Variants in MGAT5 observed in about 807,000 individuals in gnomAD.
MGAT5 encodes alpha-1,6-mannosylglycoprotein 6-beta-N-acetylglucosaminyltransferase A.
Under a neutral mutation model 94.3 loss-of-function variants are expected in MGAT5, and 30 were observed. The observed-to-expected ratio is 0.32, with a 90% confidence interval of 0.24 to 0.43. The LOEUF (loss-of-function observed/expected upper bound fraction) is 0.43, where lower values mean the gene tolerates loss of function less well. MGAT5 is among the 20% of genes least tolerant of loss of function. The pLI, the probability that MGAT5 is intolerant of heterozygous loss-of-function variation, is 1.00. For synonymous variants in MGAT5, 310 were observed against 322.9 expected, an observed-to-expected ratio of 0.96 and a Z score of 0.43; for missense variants, 691 against 905.5, an observed-to-expected ratio of 0.76 and a Z score of 3.04.
chr2:134,398,069 G>A (rs1369147340), intron 10 of MGAT5, among the ~76,000 whole-genome samples: 1 of 152,176 alleles, frequency 6.6e-6, no homozygotes, highest in Non-Finnish European at 1.5e-5. Flanking sequence ...GCCACAGGCT[G>A]AGTATCCCTT....
At chr2:134,369,677 A>T (rs1374236520) in intron 10 of MGAT5, among the ~76,000 whole-genome samples, 3 of 150,714 alleles carry the variant, frequency 2.0e-5, no homozygotes, top group Non-Finnish European at 4.4e-5. Context: ...AGGAGGAGAG[A>T]TGGATATGTT....
intron 1 of MGAT5, among the ~76,000 whole-genome samples, chr2:134,186,348 T>TA (rs1689026481): frequency 6.6e-6 from 1 of 151,428 alleles, no homozygotes; most frequent in South Asian, 2.1e-4. Flanking sequence ...CCAGAGGGGA[T>TA]AGTCAAGGAA....
In MGAT5 at chr2:134,453,776, A is replaced by C. The variant is rs1212042102; in HGVS notation, c.*4929A>C. On this transcript the variant is annotated 3_prime_UTR_variant, in exon 16 of 16. Transcript: ENST00000281923. ...TGGGGCAGGGATTTTGGCCTCTCAG[A>C]ACAGCTCCTAGAGGCTGCTCATGAC... 6.6e-6 allele frequency: 1 copy of C among 152,200 alleles called. No homozygotes were observed. Among genetic ancestry groups the C allele is most frequent in the Non-Finnish European group, 1.5e-5 (1 of 68,056 alleles). 9.4% of individuals were successfully genotyped at this position (152,200 alleles called of 1,614,324 possible). A position where few individuals can be genotyped will look rare whatever the true frequency, so the allele number is the denominator to read the frequency against.
chr2:134,265,019 C>T (rs1310628742), intron 1 of MGAT5, among the ~76,000 whole-genome samples: 2 of 152,198 alleles, frequency 1.3e-5, no homozygotes, highest in Admixed American at 6.5e-5. Context: ...GTGCCCTAAT[C>T]CTTGACGGAC....
chr2:134,232,572 G>A (rs1681424110), intron 1 of MGAT5, among the ~76,000 whole-genome samples: 1 of 152,138 alleles, frequency 6.6e-6, no homozygotes, highest in African/African-American at 2.4e-5. Flanking sequence ...TGTAAAAACA[G>A]TACAAAGAGA....
At chr2:134,399,061 C>T (rs1682881065) in intron 10 of MGAT5, among the ~76,000 whole-genome samples, 1 of 152,164 alleles carries the variant, frequency 6.6e-6, no homozygotes. Context: ...GAAGAAAGGA[C>T]TTGAAATGTT....
intron 1 of MGAT5, among the ~76,000 whole-genome samples, chr2:134,199,803 C>A (rs1319878036): frequency 6.6e-6 from 1 of 152,062 alleles, no homozygotes; most frequent in Non-Finnish European, 1.5e-5. Flanking sequence ...GAAATGCTCC[C>A]CCTGCATATG....
At chr2:134,300,144 T>C (rs755882481) in intron 2 of MGAT5, among the ~76,000 whole-genome samples, 4 of 152,184 alleles carry the variant, frequency 2.6e-5, no homozygotes, top group Admixed American at 2.6e-4. Flanking sequence ...CTCTGACCCT[T>C]GGGTTTATTA....
chr2:134,223,370 C>T (rs920850156), intron 1 of MGAT5, among the ~76,000 whole-genome samples: 5 of 152,140 alleles, frequency 3.3e-5, no homozygotes, highest in African/African-American at 4.8e-5. Flanking sequence ...GAAACAGATC[C>T]GGGGCCAGTG....
intron 1 of MGAT5, among the ~76,000 whole-genome samples, chr2:134,154,607 C>G (rs569922917): frequency 6.6e-6 from 1 of 152,264 alleles, no homozygotes; most frequent in East Asian, 1.9e-4. Flanking sequence ...TTATCTACCC[C>G]ACAACACTCT....
intron 4 of MGAT5, among the ~76,000 whole-genome samples, chr2:134,329,797 C>CAGCT (rs1687854959): frequency 1.3e-5 from 2 of 152,152 alleles, no homozygotes; most frequent in Admixed American, 1.3e-4. Context: ...TCCCCCTACA[C>CAGCT]AGCTCTTCAG....
chr2:134,365,561 G>C (rs1680375325), intron 10 of MGAT5, among the ~76,000 whole-genome samples: 1 of 152,216 alleles, frequency 6.6e-6, no homozygotes, highest in African/African-American at 2.4e-5. Flanking sequence ...TGTTGACAGG[G>C]AGAGGGTGCT....
intron 1 of MGAT5, among the ~76,000 whole-genome samples, chr2:134,120,900 G>A (rs1023686264): frequency 1.4e-4 from 22 of 151,942 alleles, no homozygotes; most frequent in African/African-American, 5.1e-4. Context: ...GGCTGTTAGG[G>A]GACGGCCCGC....
At chr2:134,255,357 C>CA (rs1682873312) in intron 1 of MGAT5, among the ~76,000 whole-genome samples, 1 of 150,906 alleles carries the variant, frequency 6.6e-6, no homozygotes, top group Non-Finnish European at 1.5e-5. Context: ...TGTAGACAAG[C>CA]AAAAAAAGAA....
chr2:134,425,859 T>C (rs1282355409), intron 13 of MGAT5, among the ~76,000 whole-genome samples: 5 of 151,222 alleles, frequency 3.3e-5, no homozygotes, highest in Admixed American at 1.3e-4. Flanking sequence ...TCTGTAGGCA[T>C]CCTTCCTGTG....
chr2:134,121,548 G>T (rs1685591233), intron 1 of MGAT5, among the ~76,000 whole-genome samples: 1 of 152,102 alleles, frequency 6.6e-6, no homozygotes, highest in Admixed American at 6.5e-5. Flanking sequence ...TTGGTATAGG[G>T]CCCGGCCCTC....
intron 9 of MGAT5, among the ~76,000 whole-genome samples, chr2:134,355,245 T>A (rs1679658819): frequency 6.6e-6 from 1 of 152,228 alleles, no homozygotes; most frequent in Non-Finnish European, 1.5e-5. Flanking sequence ...CCCCTAACCC[T>A]GGTGTAACTT....
intron 1 of MGAT5, among the ~76,000 whole-genome samples, chr2:134,202,565 G>A (rs868662924): frequency 6.6e-6 from 1 of 152,228 alleles, no homozygotes; most frequent in East Asian, 1.9e-4. Context: ...CTGGCCCAGG[G>A]TTTAGCATTC....
chr2:134,246,506 T>A (rs1220473620), intron 1 of MGAT5, among the ~76,000 whole-genome samples: 1 of 152,240 alleles, frequency 6.6e-6, no homozygotes, highest in Non-Finnish European at 1.5e-5. Flanking sequence ...AGATGAAGAC[T>A]GCCCCCCACC....
Sources: allele counts gnomAD v4.1 joint callset (sites outside exome capture counted in the v4.1 genomes callset), GRCh38; gene constraint gnomAD v4.1.1; transcripts MANE v1.5; gene names NCBI Gene and HGNC (gene_info 2026-07-23, HGNC 2026-07-21).